Variants in CYREN observed in about 807,000 individuals in gnomAD.
CYREN encodes cell cycle regulator of non-homologous end joining.
A neutral mutation model predicts 9.7 loss-of-function variants in CYREN; 7 were observed. The ratio of observed to expected loss-of-function variants is 0.72; its 90% CI spans 0.41 to 1.36. CYREN has a LOEUF of 1.36. Among genes scored for constraint, CYREN ranks in the 40% most tolerant of loss-of-function variants. The pLI is 0.01. For synonymous variants in CYREN, 76 were observed against 77.9 expected, an observed-to-expected ratio of 0.98 and a Z score of 0.13; for missense variants, 215 against 198.1, an observed-to-expected ratio of 1.09 and a Z score of -0.51.
At chr7:135,129,089 C>CACT in intron 2 of CYREN, 1 of 1,597,132 alleles carries the variant, frequency 6.3e-7, no homozygotes, top group African/African-American at 1.3e-5. Context: ...CTTCAGTGGC[C>CACT]ACTACTGGTC....
At chr7:135,129,424 A>C (rs766046378) in intron 2 of CYREN, 1 of 789,850 alleles carries the variant, frequency 1.3e-6, no homozygotes, top group Non-Finnish European at 2.3e-6. Context: ...GTGATTCAGA[A>C]GGCACTGGAA....
At chr7:135,160,743 A>C (rs1829912538) in intron 2 of CYREN, among the ~76,000 whole-genome samples, 1 of 151,228 alleles carries the variant, frequency 6.6e-6, no homozygotes, top group South Asian at 2.1e-4. Context: ...TTTAAAAAAA[A>C]AAAACAAAAA....
chr7:135,148,752 A>C (rs1161114585), intron 2 of CYREN, among the ~76,000 whole-genome samples: 1 of 152,176 alleles, frequency 6.6e-6, no homozygotes, highest in Admixed American at 6.5e-5. Context: ...CAACAGAAAA[A>C]CTTGTGTTCT....
At chr7:135,165,001 G>T (rs376210094), downstream of CYREN, 1 of 1,570,912 alleles carries the variant, frequency 6.4e-7, no homozygotes, top group Non-Finnish European at 8.6e-7. Context: ...AGCTGCTAAA[G>T]GCTTACGTGA....
chr7:135,108,219 G>A (rs1825060061), intron 2 of CYREN, among the ~76,000 whole-genome samples: 3 of 152,220 alleles, frequency 2.0e-5, no homozygotes, highest in Admixed American at 1.3e-4. Context: ...TTACATTCAA[G>A]GTTAGTATTG....
At chr7:135,094,760 C>T (rs1822399514) in intron 2 of CYREN, among the ~76,000 whole-genome samples, 1 of 152,078 alleles carries the variant, frequency 6.6e-6, no homozygotes. Context: ...GACCATACCA[C>T]CCAAGAGGAG....
chr7:135,169,326 G>GA (rs948050807), intron 1 of CYREN: 119 of 155,956 alleles, frequency 7.6e-4, no homozygotes, highest in African/African-American at 2.7e-3. Flanking sequence ...AGCACAGGAG[G>GA]AACGGAAGGA....
intron 2 of CYREN, among the ~76,000 whole-genome samples, chr7:135,118,848 G>C (rs1386438249): frequency 1.3e-5 from 2 of 151,998 alleles, no homozygotes; most frequent in Non-Finnish European, 2.9e-5. Context: ...AGAAATTTTT[G>C]AATTGAAAAA....
chr7:135,123,270 C>T (rs1827398875), intron 2 of CYREN, among the ~76,000 whole-genome samples: 1 of 152,074 alleles, frequency 6.6e-6, no homozygotes, highest in Non-Finnish European at 1.5e-5. Context: ...ATAGCCGAAT[C>T]GACCACGCAG....
At chr7:135,118,865 T>C (rs1211607712) in intron 2 of CYREN, among the ~76,000 whole-genome samples, 3 of 151,956 alleles carry the variant, frequency 2.0e-5, no homozygotes, top group Non-Finnish European at 2.9e-5. Context: ...AAAATACCAC[T>C]GAAATTTTAA....
chr7:135,153,838 G>C (rs1829722294), intron 2 of CYREN, among the ~76,000 whole-genome samples: 1 of 152,162 alleles, frequency 6.6e-6, no homozygotes, highest in African/African-American at 2.4e-5. Flanking sequence ...TTAGTATCAG[G>C]GTGACCCTGG....
intron 2 of CYREN, among the ~76,000 whole-genome samples, chr7:135,140,352 G>T (rs985301480): frequency 1.1e-4 from 17 of 151,812 alleles, no homozygotes; most frequent in African/African-American, 3.9e-4. Context: ...TTCCTGATTT[G>T]GTTCTCAGCT....
At chr7:135,107,995 T>C (rs1447115789) in intron 2 of CYREN, among the ~76,000 whole-genome samples, 2 of 152,146 alleles carry the variant, frequency 1.3e-5, no homozygotes, top group Non-Finnish European at 1.5e-5. Flanking sequence ...TTATCTTTGT[T>C]GATTTAAAGT....
intron 2 of CYREN, chr7:135,147,912 G>A (rs1829579838): frequency 2.2e-6 from 1 of 455,862 alleles, no homozygotes; most frequent in Non-Finnish European, 4.4e-6. Flanking sequence ...TAAATCAGTT[G>A]GTTTGCCGGC....
chr7:135,101,735 A>C (rs1823857535), intron 2 of CYREN, among the ~76,000 whole-genome samples: 1 of 152,136 alleles, frequency 6.6e-6, no homozygotes, highest in Admixed American at 6.5e-5. Context: ...TGAAGTGCCC[A>C]ACAGAAGGGC....
intron 2 of CYREN, among the ~76,000 whole-genome samples, chr7:135,158,174 G>A (rs1562924407): frequency 6.6e-6 from 1 of 151,876 alleles, no homozygotes; most frequent in African/African-American, 2.4e-5. Flanking sequence ...GACCAGGAGG[G>A]CAGGGGTCCC....
chr7:135,170,084 C>A lies in CYREN; in HGVS notation c.-139+568G>T, dbSNP rs564750340. Among the ~76,000 whole-genome samples, 3 of 152,364 alleles carry A rather than the reference C, an allele frequency of 2.0e-5. No homozygotes were observed. In the East Asian group the frequency reaches 5.8e-4, roughly 29 times the overall value. Reference sequence around the variant, plus strand: ...CCTGGGGTGCCTATTAAGTACATTTCGCAAACGAGGAACTGAGACTTAGTT... The same window carrying A: ...CCTGGGGTGCCTATTAAGTACATTTAGCAAACGAGGAACTGAGACTTAGTT... On this transcript the variant is annotated intron_variant, in intron 1 of 3. Transcript: ENST00000393114.
downstream of CYREN, among the ~76,000 whole-genome samples, chr7:135,163,304 T>G (rs1829995338): frequency 6.6e-6 from 1 of 152,254 alleles, no homozygotes; most frequent in Non-Finnish European, 1.5e-5. Flanking sequence ...AGTGGTTTTA[T>G]GTGTATGATG....
intron 2 of CYREN, among the ~76,000 whole-genome samples, chr7:135,137,509 G>A (rs936982890): frequency 1.3e-5 from 2 of 151,476 alleles, no homozygotes; most frequent in Non-Finnish European, 2.9e-5. Context: ...CAAAATGAAC[G>A]ACACCAAACC....
Sources: gnomAD v4.1 joint callset for allele counts (sites outside exome capture counted in the v4.1 genomes callset) on GRCh38, gnomAD v4.1.1 for gene constraint, MANE v1.5 for transcripts, NCBI Gene and HGNC (gene_info 2026-07-23, HGNC 2026-07-21) for gene names.